Variants in CNTN5 observed in about 807,000 individuals in gnomAD.
CNTN5 encodes the protein contactin-5.
A neutral mutation model predicts 129.1 loss-of-function variants in CNTN5; 77 were observed. The ratio of observed to expected loss-of-function variants is 0.60; its 90% CI spans 0.50 to 0.72. The LOEUF (loss-of-function observed/expected upper bound fraction) is 0.72. CNTN5 is among the 30% of genes least tolerant of loss of function. The pLI is 0.00. For missense variants in CNTN5, 1,478 were observed against 1,328.8 expected (o/e 1.11, Z -1.75); for synonymous variants, 509 against 465.6 (o/e 1.09, Z -1.20).
intron 15 of CNTN5, among the ~76,000 whole-genome samples, chr11:100,202,281 T>C (rs934204000): frequency 3.6e-4 from 54 of 151,962 alleles, no homozygotes; most frequent in African/African-American, 1.3e-3. Flanking sequence ...AATTTCCTAC[T>C]TAGTAAACTT....
Position 99,142,313 on chromosome 11 carries a change from C to CAAGGT in CNTN5, c.-210+121043_-210+121044insAAGGT, listed in dbSNP as rs1349372308. On this transcript the variant is annotated intron_variant, in intron 1 of 24. Coordinates refer to ENST00000524871, the MANE Select transcript of CNTN5 (RefSeq NM_014361.4). ...TGCAGTGGAGTTGAGCTTGTGGTGG[C>CAAGGT]GAGGTCTGTGTGTGCTTATGTGCCA... Among the ~76,000 whole-genome samples, 6 of 22,540 alleles carry CAAGGT rather than the reference C, an allele frequency of 2.7e-4. No homozygotes were observed. The African/African-American group carries it at 2.7e-3, about 10-fold the overall frequency. The allele number at this position is 22,540 out of a possible 152,430, so 14.8% of individuals were successfully genotyped here.
chr11:99,766,962 A>C (rs1475103461), intron 3 of CNTN5, among the ~76,000 whole-genome samples: 4 of 151,956 alleles, frequency 2.6e-5, no homozygotes, highest in Admixed American at 1.3e-4. Context: ...TTTGCTTATC[A>C]CTCCATGTCA....
intron 9 of CNTN5, among the ~76,000 whole-genome samples, chr11:100,047,844 A>AG (rs930569758): frequency 6.6e-5 from 10 of 151,608 alleles, no homozygotes; most frequent in Non-Finnish European, 1.0e-4. Context: ...TTTATAAAGA[A>AG]AAAAGAGGCC....
At chr11:99,506,113 A>C (rs369711360) in intron 2 of CNTN5, among the ~76,000 whole-genome samples, 38 of 152,256 alleles carry the variant, frequency 2.5e-4, no homozygotes, top group African/African-American at 8.9e-4. Context: ...CAGCTTTAAC[A>C]TTTGTTACTG....
intron 3 of CNTN5, among the ~76,000 whole-genome samples, chr11:99,763,528 A>C (rs2135291873): frequency 6.6e-6 from 1 of 152,250 alleles, no homozygotes; most frequent in African/African-American, 2.4e-5. Context: ...TTAAAGTATT[A>C]AGTAACATTG....
intron 2 of CNTN5, among the ~76,000 whole-genome samples, chr11:99,368,806 C>A (rs1046754100): frequency 6.6e-6 from 1 of 151,872 alleles, no homozygotes; most frequent in Non-Finnish European, 1.5e-5. Flanking sequence ...AAACAGGCGA[C>A]GAAGAATTAT....
At chr11:100,138,794 T>C (rs1946604327) in intron 13 of CNTN5, among the ~76,000 whole-genome samples, 1 of 152,092 alleles carries the variant, frequency 6.6e-6, no homozygotes, top group South Asian at 2.1e-4. Flanking sequence ...GGGTGAAGAA[T>C]GAACTGAAGG....
chr11:99,246,207 T>G (rs542275001), intron 1 of CNTN5, among the ~76,000 whole-genome samples: 1 of 152,338 alleles, frequency 6.6e-6, no homozygotes, highest in South Asian at 2.1e-4. Flanking sequence ...AATGAACGCA[T>G]TTTGCATTGT....
chr11:99,883,082 C>T (rs1948813316), intron 6 of CNTN5, among the ~76,000 whole-genome samples: 1 of 152,120 alleles, frequency 6.6e-6, no homozygotes. Flanking sequence ...GAATAGTACC[C>T]CGTTGTGTAT....
chr11:99,409,013 T>C (rs1942264450), intron 2 of CNTN5, among the ~76,000 whole-genome samples: 1 of 152,238 alleles, frequency 6.6e-6, no homozygotes, highest in Non-Finnish European at 1.5e-5. Flanking sequence ...TGTTTTGTGA[T>C]TCTGTTTATT....
Position 99,684,217 on chromosome 11 carries a change from C to T in CNTN5, c.55+127948C>T, listed in dbSNP as rs527535788. Among the ~76,000 whole-genome samples the T allele has an allele frequency of 5.3e-5, 8 of 151,858 alleles. No individual in the cohort carries two copies. In the East Asian group the frequency reaches 1.5e-3, roughly 29 times the overall value. On this transcript the variant is annotated intron_variant, in intron 3 of 24. Transcript: ENST00000524871. ...CTACTATGCCTGTGAGTCAATAATG[C>T]TTTATAGTTTTCTATCGAAAAGTCT...
intron 2 of CNTN5, among the ~76,000 whole-genome samples, chr11:99,492,239 T>A (rs1946064856): frequency 6.6e-6 from 1 of 152,190 alleles, no homozygotes; most frequent in Non-Finnish European, 1.5e-5. Flanking sequence ...GTTAAAAGTC[T>A]CCTCTGTAAG....
At chr11:99,573,102 A>G (rs1001528529) in intron 3 of CNTN5, among the ~76,000 whole-genome samples, 4 of 152,182 alleles carry the variant, frequency 2.6e-5, no homozygotes, top group African/African-American at 9.6e-5. Context: ...AATTTAATAC[A>G]CTAGAATCAG....
intron 2 of CNTN5, among the ~76,000 whole-genome samples, chr11:99,370,137 A>T (rs1939737873): frequency 6.6e-6 from 1 of 152,212 alleles, no homozygotes; most frequent in African/African-American, 2.4e-5. Flanking sequence ...ATTTGGAGGA[A>T]TCAAAAGATG....
rs528167568 is a variant in CNTN5 at position 99,124,407 on chromosome 11, G to C, written c.-210+103137G>C. ...TCCCAAAACTTTGCTAAAGTTGTTGGTAATTTCAGGGAGCTTTTCTGCAGA... is the reference window on the plus strand; with the variant it reads ...TCCCAAAACTTTGCTAAAGTTGTTGCTAATTTCAGGGAGCTTTTCTGCAGA... On this transcript the variant is annotated intron_variant, in intron 1 of 24. Coordinates refer to ENST00000524871, the MANE Select transcript of CNTN5 (RefSeq NM_014361.4). Among the ~76,000 whole-genome samples, 10 of 152,102 alleles carry C rather than the reference G, an allele frequency of 6.6e-5. No homozygotes were observed. In the South Asian group the frequency reaches 2.1e-3, roughly 31 times the overall value.
intron 13 of CNTN5, among the ~76,000 whole-genome samples, chr11:100,160,718 T>TGGGATAATAATGACAACTAAC: frequency 6.6e-6 from 1 of 152,070 alleles, no homozygotes; most frequent in Non-Finnish European, 1.5e-5. Context: ...TTAACACTTA[T>TGGGATAATAATGACAACTAAC]GGGATAATAA....
intron 9 of CNTN5, among the ~76,000 whole-genome samples, chr11:100,029,311 G>C (rs564903495): frequency 6.6e-6 from 1 of 152,286 alleles, no homozygotes; most frequent in East Asian, 1.9e-4. Flanking sequence ...GGCCGGGCGC[G>C]GTGGCTCACG....
At chr11:100,053,657 G>A (rs1040310630) in intron 9 of CNTN5, among the ~76,000 whole-genome samples, 1 of 151,688 alleles carries the variant, frequency 6.6e-6, no homozygotes, top group Admixed American at 6.6e-5. Context: ...TGGAAAAATA[G>A]TCTGGTAAGT....
intron 4 of CNTN5, among the ~76,000 whole-genome samples, chr11:99,822,140 AG>A (rs1946820648): frequency 6.6e-6 from 1 of 152,180 alleles, no homozygotes; most frequent in South Asian, 2.1e-4. Context: ...CTGAATAGAA[AG>A]TCATCCCACT....
Sources: allele counts gnomAD v4.1 joint callset (sites outside exome capture counted in the v4.1 genomes callset), GRCh38; gene constraint gnomAD v4.1.1; transcripts MANE v1.5; gene names NCBI Gene and HGNC (gene_info 2026-07-23, HGNC 2026-07-21).